LDHAL6A: variants seen among roughly 807,000 people sequenced by gnomAD.
The protein encoded by LDHAL6A is L-lactate dehydrogenase A-like 6A.
A neutral mutation model predicts 28.2 loss-of-function variants in LDHAL6A; 19 were observed. The observed-to-expected ratio is 0.67, with a 90% CI of 0.47 to 0.99. LDHAL6A has a LOEUF of 0.99. Ranked by LOEUF, LDHAL6A falls within the 50% of genes least tolerant of loss-of-function variation. The probability of loss-of-function intolerance (pLI) is 0.00; values close to 1 mark genes in which losing one functional copy is unlikely to be tolerated. For synonymous variants in LDHAL6A, 144 were observed against 134.4 expected (o/e 1.07, Z -0.49); for missense variants, 372 against 398.6 (o/e 0.93, Z 0.57).
At chr11:18,469,166 G>C (rs1268154050) in intron 3 of LDHAL6A, 1 of 623,308 alleles carries the variant, frequency 1.6e-6, no homozygotes, top group South Asian at 1.9e-5. Context: ...AGTTGTGAAG[G>C]CACCTGGTGG....
chr11:18,478,987 A>T lies in LDHAL6A; in HGVS notation c.*117A>T. On this transcript the variant is annotated 3_prime_UTR_variant, in exon 7 of 7. Transcript: ENST00000280706. ...AGTTGGAAAAATAGAGGAAAGAGTG[A>T]CCTATTTAGTATAGCCTTCCAGCTT... is the stretch of plus-strand genomic sequence containing the variant. The T allele has an allele frequency of 1.1e-6, 1 of 876,512 alleles. No homozygotes were observed. Among genetic ancestry groups the T allele is most frequent in the Non-Finnish European group, 1.7e-6 (1 of 573,436 alleles). 54.3% of individuals were successfully genotyped at this position (876,512 alleles called of 1,614,324 possible). A position where few individuals can be genotyped will look rare whatever the true frequency, so the allele number is the denominator to read the frequency against.
chr11:18,475,330 A>T lies in LDHAL6A; in HGVS notation c.419-136A>T, dbSNP rs939297073. 6.0e-6 allele frequency: 4 copies of T among 670,518 alleles called. No individual in the cohort carries two copies. In the East Asian group the frequency reaches 1.0e-4, roughly 17 times the overall value. The allele number at this position is 670,518 out of a possible 1,614,324, so 41.5% of individuals were successfully genotyped here. On this transcript the variant is annotated intron_variant, in intron 3 of 6. Transcript: ENST00000280706. ...TAGATATTCTTAAGAGTTGGCGTAT[A>T]GCTGGGGTTGGATAGAGAACCATGT... is the stretch of plus-strand genomic sequence containing the variant.
chr11:18,469,041 G>A (rs1031573923), intron 3 of LDHAL6A: 1 of 438,654 alleles, frequency 2.3e-6, no homozygotes, highest in Non-Finnish European at 4.0e-6. Context: ...TTATCACATT[G>A]TACAATAGTA....
chr11:18,470,327 G>A (rs1403902803), intron 3 of LDHAL6A, among the ~76,000 whole-genome samples: 3 of 152,224 alleles, frequency 2.0e-5, no homozygotes, highest in African/African-American at 7.2e-5. Flanking sequence ...TTCCCATGCA[G>A]GACTGCCTTC....
chr11:18,478,477 G>A (rs1197290002), intron 6 of LDHAL6A, among the ~76,000 whole-genome samples: 3 of 151,924 alleles, frequency 2.0e-5, no homozygotes, highest in Non-Finnish European at 4.4e-5. Flanking sequence ...GGAGAATGGC[G>A]TGAACCCGGG....
intron 3 of LDHAL6A, among the ~76,000 whole-genome samples, chr11:18,473,951 T>A (rs1262135363): frequency 1.3e-5 from 2 of 152,242 alleles, no homozygotes; most frequent in African/African-American, 4.8e-5. Context: ...TGAGTTTTCC[T>A]ACAGTTAAAA....
chr11:18,462,376 G>A (rs1485297601), intron 1 of LDHAL6A, among the ~76,000 whole-genome samples: 12 of 151,964 alleles, frequency 7.9e-5, no homozygotes, highest in African/African-American at 9.7e-5. Flanking sequence ...GGTGTCTCAT[G>A]CCTGTAATCC....
intron 3 of LDHAL6A, among the ~76,000 whole-genome samples, chr11:18,473,754 CT>C (rs1849302738): frequency 6.6e-6 from 1 of 152,044 alleles, no homozygotes; most frequent in Non-Finnish European, 1.5e-5. Flanking sequence ...ACCTAGAAGA[CT>C]CTCCAGTATA....
At position 18,475,487 on chromosome 11, in the gene LDHAL6A, C is replaced by T. The variant is rs775942061; in HGVS notation, c.440C>T (p.Ala147Val). 2.5e-6 allele frequency: 4 copies of T among 1,613,234 alleles called. No homozygotes were observed. The highest frequency in any genetic ancestry group is 3.3e-5 in the Admixed American group (2 of 59,950). Reference sequence around the variant, plus strand: ...TTAGTGGATATCTTAACTTATGTAGCCTGGAAGTTGAGTGGATTTCCCAAA... The same window carrying T: ...TTAGTGGATATCTTAACTTATGTAGTCTGGAAGTTGAGTGGATTTCCCAAA... ...TNPVDILTYV[A>V]WKLSGFPKNR... The change falls in exon 4 of 7, where the codon GCC becomes GTC. Residue 147 changes from alanine (A) to valine (V), a missense_variant. Transcript: ENST00000280706.
chr11:18,465,938 A>G (rs1457232823), intron 3 of LDHAL6A, 128 bp downstream of exon 3: 4 of 677,310 alleles, frequency 5.9e-6, no homozygotes, highest in Non-Finnish European at 9.9e-6. Context: ...GGTACTGAGC[A>G]AAGTACCTAA....
rs1590263714 is a variant in LDHAL6A, at chr11:18,477,857, G to A, written c.834+114G>A. 8.6e-6 allele frequency: 8 copies of A among 934,600 alleles called. No individual in the cohort carries two copies. In the East Asian group the frequency reaches 1.4e-4, roughly 16 times the overall value. The allele number at this position is 934,600 out of a possible 1,614,324, so 57.9% of individuals were successfully genotyped here. The stretch of plus-strand genomic sequence containing the variant: ...TCTCGTGGGAAGCACCTCTCTTCCT[G>A]AAGTCTGTTCTTTGCTGCTGAAGAG... On this transcript the variant is annotated intron_variant, in intron 6 of 6. Coordinates refer to ENST00000280706, the MANE Select transcript of LDHAL6A (RefSeq NM_144972.5).
chr11:18,465,426 GT>G (rs5790038), intron 2 of LDHAL6A, among the ~76,000 whole-genome samples: 5,553 of 139,912 alleles, frequency 0.04, 158 homozygotes, highest in African/African-American at 0.068. Context: ...CATGACTTAC[GT>G]TTTTTTTTTT....
intron 3 of LDHAL6A, among the ~76,000 whole-genome samples, chr11:18,467,374 T>C (rs1245879416): frequency 6.6e-6 from 1 of 152,166 alleles, no homozygotes; most frequent in East Asian, 1.9e-4. Context: ...CATCCTTTTA[T>C]AGGTAACCAT....
At chr11:18,461,391 C>T (rs1275817743) in intron 1 of LDHAL6A, among the ~76,000 whole-genome samples, 2 of 151,892 alleles carry the variant, frequency 1.3e-5, no homozygotes, top group South Asian at 2.1e-4. Flanking sequence ...GATCCGCCCA[C>T]CTTGGCCTCC....
Position 18,467,916 on chromosome 11 carries a change from T to TATATATATAC in LDHAL6A, c.418+2109_418+2110insTATATACATA, listed in dbSNP as rs1554967428. 3.6e-5 allele frequency among the ~76,000 whole-genome samples: 2 copies of TATATATATAC among 55,004 alleles called. 1 individual carries two copies. Among genetic ancestry groups the TATATATATAC allele is most frequent in the African/African-American group, 1.8e-4 (2 of 11,128 alleles). 36.1% of individuals were successfully genotyped at this position (55,004 alleles called of 152,430 possible). A position where few individuals can be genotyped will look rare whatever the true frequency, so the allele number is the denominator to read the frequency against. On this transcript the variant is annotated intron_variant, in intron 3 of 6. Transcript: ENST00000280706. ...ATATATATATATATATATATATATATATACACACACATATATATATACACA... is the reference window on the plus strand; with the variant it reads ...ATATATATATATATATATATATATATATATATATACATACACACACATATATATATACACA...
Position 18,474,253 on chromosome 11 carries a change from A to AT in LDHAL6A, c.419-1208dup, listed in dbSNP as rs2133887942. The stretch of plus-strand genomic sequence containing the variant: ...ACCACCACGCCTGGCTAATTTTTTT[A>AT]TTTTTAGTAGAGATGGGGTTTCACC... On this transcript the variant is annotated intron_variant, in intron 3 of 6. Transcript: ENST00000280706. Among the ~76,000 whole-genome samples, 2 of 150,286 alleles carry AT rather than the reference A, an allele frequency of 1.3e-5. 1 individual carries two copies. The highest frequency in any genetic ancestry group is 4.2e-4 in the South Asian group (2 of 4,742).
At chr11:18,471,109 A>C (rs919464460) in intron 3 of LDHAL6A, among the ~76,000 whole-genome samples, 65 of 152,304 alleles carry the variant, frequency 4.3e-4, no homozygotes, top group African/African-American at 1.5e-3. Context: ...TAAAACAAGC[A>C]ATTAGTAAGG....
At chr11:18,460,594 C>CAAAAAAAAAAAAAAAAA (rs34780803) in intron 1 of LDHAL6A, among the ~76,000 whole-genome samples, 2 of 90,344 alleles carry the variant, frequency 2.2e-5, no homozygotes, top group African/African-American at 7.7e-5. Flanking sequence ...AACTCCGTCT[C>CAAAAAAAAAAAAAAAAA]AAAAAAAAAA....
intron 1 of LDHAL6A, among the ~76,000 whole-genome samples, chr11:18,458,306 C>G (rs1848809468): frequency 1.3e-5 from 2 of 152,162 alleles, no homozygotes; most frequent in African/African-American, 4.8e-5. Context: ...ATGGGAGGCA[C>G]AGGCCCCACC....
Sources: allele counts gnomAD v4.1 joint callset (sites outside exome capture counted in the v4.1 genomes callset), GRCh38; gene constraint gnomAD v4.1.1; transcripts MANE v1.5; gene names NCBI Gene and HGNC (gene_info 2026-07-23, HGNC 2026-07-21).